Variants in MAGI2 observed in about 807,000 individuals in gnomAD.
MAGI2 encodes membrane-associated guanylate kinase, WW and PDZ domain-containing protein 2.
Under a neutral mutation model 133.3 loss-of-function variants are expected in MAGI2, and 35 were observed. That is an observed-to-expected ratio of 0.26 (90% confidence interval 0.20 to 0.35). MAGI2 has a LOEUF of 0.35. Ranked by LOEUF, MAGI2 falls within the 10% of genes least tolerant of loss-of-function variation. The pLI is 1.00. For missense variants in MAGI2, 1,636 were observed against 1,863.4 expected, an observed-to-expected ratio of 0.88 and a Z score of 2.25; for synonymous variants, 729 against 710.6, an observed-to-expected ratio of 1.03 and a Z score of -0.41.
chr7:79,441,530 A>T (rs192535769), intron 1 of MAGI2, among the ~76,000 whole-genome samples: 70 of 152,240 alleles, frequency 4.6e-4, no homozygotes, highest in Non-Finnish European at 6.9e-4. Context: ...ACAGTTTTAT[A>T]TTTCATTTAT....
chr7:79,414,565 A>C (rs1293395055), intron 1 of MAGI2: 2 of 152,100 alleles, frequency 1.3e-5, no homozygotes, highest in African/African-American at 4.8e-5. Context: ...AAATGGATCT[A>C]TTTGTTTAAA....
At chr7:78,853,446 C>T (rs1284701567) in intron 2 of MAGI2, among the ~76,000 whole-genome samples, 1 of 138,560 alleles carries the variant, frequency 7.2e-6, no homozygotes, top group Non-Finnish European at 1.5e-5. Flanking sequence ...GCCTCTATCT[C>T]CTGGGCTCAA....
intron 9 of MAGI2, among the ~76,000 whole-genome samples, chr7:78,258,068 C>G (rs1032354558): frequency 6.6e-6 from 1 of 152,184 alleles, no homozygotes; most frequent in Non-Finnish European, 1.5e-5. Context: ...AGAGGCCAAG[C>G]AGACATTTTC....
At chr7:79,231,508 C>G (rs947018858) in intron 1 of MAGI2, among the ~76,000 whole-genome samples, 1 of 80,464 alleles carries the variant, frequency 1.2e-5, no homozygotes, top group African/African-American at 3.6e-5. Context: ...AGGTCCTTCA[C>G]ATCCCTTGTA....
intron 9 of MAGI2, among the ~76,000 whole-genome samples, chr7:78,301,393 G>C (rs1355434964): frequency 6.6e-6 from 1 of 152,122 alleles, no homozygotes; most frequent in African/African-American, 2.4e-5. Context: ...AAGACACTTG[G>C]AGTACAAACA....
At chr7:78,299,574 AT>A (rs199659603) in intron 9 of MAGI2, among the ~76,000 whole-genome samples, 5 of 151,910 alleles carry the variant, frequency 3.3e-5, no homozygotes, top group East Asian at 1.9e-4. Context: ...TATATGGGTG[AT>A]TTTTTTTGGG....
chr7:79,372,734 TTTTTA>T (rs1435925028), intron 1 of MAGI2, among the ~76,000 whole-genome samples: 1 of 152,106 alleles, frequency 6.6e-6, no homozygotes, highest in Non-Finnish European at 1.5e-5. Flanking sequence ...CAGTAACTTC[TTTTTA>T]TTTTGACTAT....
chr7:79,317,515 GTTAATA>G (rs1248046604), intron 1 of MAGI2, among the ~76,000 whole-genome samples: 1 of 152,172 alleles, frequency 6.6e-6, no homozygotes, highest in Non-Finnish European at 1.5e-5. Context: ...TACAGGTGAA[GTTAATA>G]TTAATAATAC....
At chr7:79,153,345 C>T (rs531182960) in intron 1 of MAGI2, among the ~76,000 whole-genome samples, 12 of 152,284 alleles carry the variant, frequency 7.9e-5, no homozygotes, top group Admixed American at 3.9e-4. Context: ...GACCTATAGC[C>T]TGCCCTCATG....
rs140890903 is a variant in MAGI2, at chr7:79,191,589, T to C, written c.302-184383A>G. ...TGAGCCAAAATGCCTGGCCTGAACATTTCTTTTAAAATAAAATCTCAAATA... is the reference window on the plus strand; with the variant it reads ...TGAGCCAAAATGCCTGGCCTGAACACTTCTTTTAAAATAAAATCTCAAATA... On this transcript the variant is annotated intron_variant, in intron 1 of 21. Transcript: ENST00000354212. Among the ~76,000 whole-genome samples, 820 of 151,328 alleles carry C rather than the reference T, an allele frequency of 5.4e-3. 5 individuals are homozygous for C. Among genetic ancestry groups the C allele is most frequent in the Non-Finnish European group, 8.2e-3 (558 of 67,818 alleles).
intron 2 of MAGI2, among the ~76,000 whole-genome samples, chr7:78,709,039 CA>C (rs1332179410): frequency 6.6e-6 from 1 of 152,084 alleles, no homozygotes; most frequent in Non-Finnish European, 1.5e-5. Flanking sequence ...TGTACTTCTG[CA>C]AAAGATTCTT....
intron 1 of MAGI2, among the ~76,000 whole-genome samples, chr7:79,372,049 T>G (rs1843084079): frequency 6.6e-6 from 1 of 152,166 alleles, no homozygotes; most frequent in African/African-American, 2.4e-5. Flanking sequence ...TATCATTCTA[T>G]TTTATGGGTA....
chr7:78,925,608 T>G (rs1324356447), intron 2 of MAGI2, among the ~76,000 whole-genome samples: 2 of 152,060 alleles, frequency 1.3e-5, no homozygotes, highest in African/African-American at 4.8e-5. Flanking sequence ...TTTCCAGAAG[T>G]GTGTGATGAG....
At position 78,404,323 on chromosome 7, in the gene MAGI2, G is replaced by A. The variant is rs569004040; in HGVS notation, c.1046-35110C>T. On this transcript the variant is annotated intron_variant, in intron 6 of 21. Coordinates refer to ENST00000354212, the MANE Select transcript of MAGI2 (RefSeq NM_012301.4). ...CACAGAATTGGAAAAAACTACTTTA[G>A]AGTTCATATGGAAGCAAAAATGAGC... Among the ~76,000 whole-genome samples the A allele has an allele frequency of 7.0e-4, 107 of 152,100 alleles. 1 individual carries two copies. Among genetic ancestry groups the A allele is most frequent in the African/African-American group, 2.3e-3 (97 of 41,502 alleles).
rs573756090 is a variant in MAGI2 at position 78,700,670 on chromosome 7, G to C, written c.419-73431C>G. ...GCAATTTTCTGTTTGATCAAAGATT[G>C]AAGATATCTGACTGTTAGGATATAT... On this transcript the variant is annotated intron_variant, in intron 2 of 21. Transcript: ENST00000354212. Among the ~76,000 whole-genome samples the C allele has an allele frequency of 7.2e-5, 11 of 152,048 alleles. No individual in the cohort carries two copies. The South Asian group carries it at 2.1e-3, about 29-fold the overall frequency.
intron 1 of MAGI2, among the ~76,000 whole-genome samples, chr7:79,281,845 G>A (rs1167482411): frequency 6.6e-6 from 1 of 152,104 alleles, no homozygotes; most frequent in Non-Finnish European, 1.5e-5. Context: ...AACAGAGTTA[G>A]AGAATTGTCT....
intron 2 of MAGI2, among the ~76,000 whole-genome samples, chr7:78,877,337 T>C (rs1795508596): frequency 2.0e-5 from 3 of 152,218 alleles, no homozygotes; most frequent in Admixed American, 2.0e-4. Context: ...AAGTCTACAA[T>C]TGATATGACT....
At chr7:78,358,008 A>G (rs1448685364) in intron 7 of MAGI2, among the ~76,000 whole-genome samples, 3 of 150,724 alleles carry the variant, frequency 2.0e-5, no homozygotes, top group Non-Finnish European at 4.4e-5. Context: ...ATTGTTAAAA[A>G]AAAGAAAAAC....
At chr7:79,160,956 CT>C (rs1224441290) in intron 1 of MAGI2, among the ~76,000 whole-genome samples, 1 of 151,976 alleles carries the variant, frequency 6.6e-6, no homozygotes, top group African/African-American at 2.4e-5. Flanking sequence ...TCTCATAGGT[CT>C]TACAGATGCA....
Sources: gnomAD v4.1 joint callset for allele counts (sites outside exome capture counted in the v4.1 genomes callset) on GRCh38, gnomAD v4.1.1 for gene constraint, MANE v1.5 for transcripts, NCBI Gene and HGNC (gene_info 2026-07-23, HGNC 2026-07-21) for gene names.